The following PKD1L3 variants were observed in gnomAD, a reference collection of about 807,000 sequenced individuals.
PKD1L3 encodes polycystin 1 like 3, transient receptor potential channel interacting, also known as polycystin-1-like protein 3.
A neutral mutation model predicts 184.1 loss-of-function variants in PKD1L3; 239 were observed. That is an observed-to-expected ratio of 1.30 (90% confidence interval 1.17 to 1.45). PKD1L3 has a LOEUF of 1.45. PKD1L3 is among the 40% of genes most tolerant of loss of function. PKD1L3 has a pLI of 0.00. For missense variants in PKD1L3, 2,660 were observed against 2,067.2 expected (o/e 1.29, Z -5.56); for synonymous variants, 996 against 778.8 (o/e 1.28, Z -4.64).
At chr16:71,985,159 A>G (rs1217834223) in intron 5 of PKD1L3, among the ~76,000 whole-genome samples, 1 of 152,208 alleles carries the variant, frequency 6.6e-6, no homozygotes, top group Non-Finnish European at 1.5e-5. Flanking sequence ...TTTATTATAG[A>G]TCCTTTTAGA....
intron 28 of PKD1L3, among the ~76,000 whole-genome samples, chr16:71,931,463 CTTTTTTTT>C (rs11405919): frequency 6.0e-4 from 69 of 115,894 alleles, no homozygotes; most frequent in Admixed American, 2.2e-3. Flanking sequence ...TTCTCCCCCA[CTTTTTTTT>C]TTTTTTTTTT....
At position 71,998,366 on chromosome 16, in the gene PKD1L3, C is replaced by T; in HGVS notation, c.324G>A (p.Lys108=). 1.9e-6 allele frequency: 3 copies of T among 1,551,670 alleles called. No homozygotes were observed. The highest frequency in any genetic ancestry group is 1.2e-5 in the South Asian group (1 of 84,054). ...TGGACAGGTAGGTGCAGCTGAGGGG[C>T]TTTGGGGGCCCGTTGGCTGCAACGT... is the stretch of plus-strand genomic sequence containing the variant. ...PADVAANGPP[K]PLSCTYLSRN... Residue 108 remains lysine, a synonymous_variant, in exon 2 of 30, where the codon AAG becomes AAA. Transcript: ENST00000620267.
intron 16 of PKD1L3, among the ~76,000 whole-genome samples, chr16:71,962,554 T>C (rs1379772815): frequency 6.6e-6 from 1 of 152,186 alleles, no homozygotes; most frequent in Non-Finnish European, 1.5e-5. Flanking sequence ...AGTGGCAATC[T>C]TGGCTCACTG....
rs1433691586 is a variant in PKD1L3, at chr16:71,979,879, G to C, written c.1305C>G (p.Tyr435Ter). The C allele has an allele frequency of 6.5e-7, 1 of 1,547,282 alleles. No homozygotes were observed. The highest frequency in any genetic ancestry group is 8.7e-7 in the Non-Finnish European group (1 of 1,146,134). Reference sequence around the variant, plus strand: ...TCACAGGGGCTGGGTGACCCAGAGTGTAAGAGCTCAGCGGTAAAGTTGATA... The same window carrying C: ...TCACAGGGGCTGGGTGACCCAGAGTCTAAGAGCTCAGCGGTAAAGTTGATA... ...QNISTLPLSS[Y>*]TLGHPAPVRL... is the part of the protein sequence containing the mutation. The change falls in exon 9 of 30, where the codon TAC (tyrosine) becomes TAG (stop). Residue 435 changes from tyrosine (Y) to a stop codon, truncating the protein, a stop_gained. Transcript: ENST00000620267. LOFTEE classifies it high-confidence loss of function.
chr16:71,934,735 C>T (rs1008079273), intron 26 of PKD1L3, among the ~76,000 whole-genome samples: 6 of 152,208 alleles, frequency 3.9e-5, no homozygotes, highest in East Asian at 1.9e-4. Context: ...TGCACAGATC[C>T]GCTGTCACTG....
At chr16:71,987,156 C>T (rs2040403968) in intron 4 of PKD1L3, among the ~76,000 whole-genome samples, 1 of 151,602 alleles carries the variant, frequency 6.6e-6, no homozygotes, top group Admixed American at 6.6e-5. Flanking sequence ...ATCTCCTGAC[C>T]TTGTGATCCA....
intron 4 of PKD1L3, among the ~76,000 whole-genome samples, chr16:71,989,306 C>T (rs940452470): frequency 1.3e-5 from 2 of 152,222 alleles, no homozygotes; most frequent in African/African-American, 4.8e-5. Context: ...AGGCGCTCCA[C>T]CAAGCCTGGC....
At chr16:71,945,327 T>TAC (rs376042570) in intron 22 of PKD1L3, among the ~76,000 whole-genome samples, 38 of 65,548 alleles carry the variant, frequency 5.8e-4, no homozygotes, top group African/African-American at 1.5e-3. Flanking sequence ...CACACATATA[T>TAC]ACACACACAC....
chr16:71,962,560 C>T (rs1239287300), intron 16 of PKD1L3, among the ~76,000 whole-genome samples: 2 of 152,162 alleles, frequency 1.3e-5, no homozygotes, highest in Non-Finnish European at 2.9e-5. Flanking sequence ...AATCTTGGCT[C>T]ACTGCAACCT....
At chr16:71,955,138 A>T (rs1185354511) in intron 16 of PKD1L3, among the ~76,000 whole-genome samples, 9 of 152,186 alleles carry the variant, frequency 5.9e-5, no homozygotes, top group Admixed American at 5.9e-4. Context: ...TTTCATTGAA[A>T]AATAGGAGCT....
chr16:71,937,318 G>C lies in PKD1L3; in HGVS notation c.4426C>G (p.Leu1476Val). The C allele has an allele frequency of 6.4e-7, 1 of 1,551,560 alleles. No individual in the cohort carries two copies. Among genetic ancestry groups the C allele is most frequent in the Non-Finnish European group, 8.7e-7 (1 of 1,146,928 alleles). ...SIISQVIYYL[L>V]VCYYAFIQGC... ...TGTATGAAGGCATAGTAACAGACCA[G>C]TAGATAATAGATGACTTGTGAGATG... The change falls in exon 25 of 30, where the codon CTG becomes GTG. Residue 1476 changes from leucine to valine, a missense_variant. By Grantham distance (32) the Leu-to-Val change is conservative. Transcript: ENST00000620267.
intron 3 of PKD1L3, among the ~76,000 whole-genome samples, chr16:71,992,285 A>C (rs895318479): frequency 4.6e-5 from 7 of 152,234 alleles, no homozygotes; most frequent in African/African-American, 1.7e-4. Context: ...AGGAGATTTT[A>C]AAAAGTATTC....
chr16:71,947,644 A>T, intron 21 of PKD1L3, 53 bp from the exon 22 acceptor site: 1 of 1,201,620 alleles, frequency 8.3e-7, no homozygotes, highest in Non-Finnish European at 1.2e-6. Flanking sequence ...ACCCAGGAAG[A>T]TAATACCGTA....
At chr16:71,954,394 G>C (rs1430260068) in intron 16 of PKD1L3, 93 bp from the exon 17 acceptor site, 20 of 948,052 alleles carry the variant, frequency 2.1e-5, no homozygotes, top group Non-Finnish European at 3.1e-5. Flanking sequence ...AAGCGACATA[G>C]CAACTCCCAA....
chr16:71,930,628 G>A (rs937193766), intron 28 of PKD1L3: 1 of 152,310 alleles, frequency 6.6e-6, no homozygotes, highest in Non-Finnish European at 1.5e-5. Context: ...TTAACAGGTT[G>A]GCCACAGAAA....
intron 12 of PKD1L3, 73 bp downstream of exon 12, chr16:71,973,250 TG>T: frequency 6.2e-6 from 9 of 1,454,260 alleles, no homozygotes; most frequent in Non-Finnish European, 8.4e-6. Context: ...CTGCCCCAAA[TG>T]AGATAACGGA....
Position 71,998,414 on chromosome 16 carries a change from A to C in PKD1L3, c.296-20T>G. ...CGTCTGCTGAGGGGAGATCAGACGC[A>C]GATGAGCCTCATACTCGAAAGCCAG... On this transcript the variant is annotated intron_variant, in intron 1 of 29. Coordinates refer to ENST00000620267, the MANE Select transcript of PKD1L3 (RefSeq NM_181536.2). 1 of 1,537,644 alleles carries C rather than the reference A, an allele frequency of 6.5e-7. No individual in the cohort carries two copies. Among genetic ancestry groups the C allele is most frequent in the Non-Finnish European group, 8.7e-7 (1 of 1,144,018 alleles).
intron 4 of PKD1L3, 83 bp from the exon 5 acceptor site, chr16:71,986,552 T>G: frequency 7.1e-7 from 1 of 1,408,990 alleles, no homozygotes; most frequent in Non-Finnish European, 9.5e-7. Context: ...CCAAATACTC[T>G]GAAACTCTGT....
intron 22 of PKD1L3, 68 bp from the exon 23 acceptor site, chr16:71,944,238 G>A (rs1031985726): frequency 8.6e-6 from 12 of 1,395,548 alleles, no homozygotes; most frequent in African/African-American, 7.3e-5. Context: ...ACCATTCATT[G>A]AGCATCTACT....
Sources: gnomAD v4.1 joint callset for allele counts (sites outside exome capture counted in the v4.1 genomes callset) on GRCh38, gnomAD v4.1.1 for gene constraint, MANE v1.5 for transcripts, NCBI Gene and HGNC (gene_info 2026-07-23, HGNC 2026-07-21) for gene names.